Variants in FAAP100 observed in about 807,000 individuals in gnomAD.
FAAP100 encodes FA core complex associated protein 100, also known as Fanconi anemia core complex-associated protein 100.
A neutral mutation model predicts 65.8 loss-of-function variants in FAAP100; 46 were observed. That is an observed-to-expected ratio of 0.70 (90% CI 0.55 to 0.89). The LOEUF is 0.89. FAAP100 is among the 40% of genes least tolerant of loss of function. The probability of loss-of-function intolerance (pLI) is 0.00; values close to 1 mark genes in which losing one functional copy is unlikely to be tolerated. For synonymous variants in FAAP100, 663 were observed against 555.1 expected (o/e 1.19, Z -2.73); for missense variants, 1,165 against 1,196.7 (o/e 0.97, Z 0.39).
In FAAP100 at chr17:81,551,992, G is replaced by A. The variant is rs1287031853; in HGVS notation, c.226C>T (p.Leu76=). 1.3e-6 allele frequency: 2 copies of A among 1,566,454 alleles called. No individual in the cohort carries two copies. Among genetic ancestry groups the A allele is most frequent in the South Asian group, 1.2e-5 (1 of 86,092 alleles). The part of the protein sequence containing the change: ...HLELLAPRRL[L]YALCARRGLY... ...CCCCTCCGGGCGCACAGCGCGTACAGCAACCTGCGCGGCGCCAGCAGCTCC... is the reference window on the plus strand; with the variant it reads ...CCCCTCCGGGCGCACAGCGCGTACAACAACCTGCGCGGCGCCAGCAGCTCC... Residue 76 remains leucine, a synonymous_variant, in exon 2 of 9, where the codon CTG becomes TTG. Transcript: ENST00000327787.
In FAAP100 at chr17:81,551,098, C is replaced by T. The variant is rs1288937951; in HGVS notation, c.396G>A (p.Ala132=). ...ACILPDAALC[A]FTLLDSVLVT... is the part of the protein sequence containing the mutation. ...CCAGCACACTGTCCAGCAAGGTGAA[C>T]GCGCACAGCGCAGCATCGGGAAGGA... The change falls in exon 3 of 9, where the codon GCG becomes GCA. Residue 132 remains alanine, a synonymous_variant. Transcript: ENST00000327787. The T allele has an allele frequency of 2.6e-6, 4 of 1,562,992 alleles. No individual in the cohort carries two copies. The highest frequency in any genetic ancestry group is 1.9e-5 in the Admixed American group (1 of 52,736).
rs78121521 is a variant in FAAP100 at position 81,541,242 on chromosome 17, G to A, written c.2514+67C>T. 5.2e-4 allele frequency: 771 copies of A among 1,484,146 alleles called. 10 individuals carry two copies. The East Asian group carries it at 0.014, about 27-fold the overall frequency. The allele number at this position is 1,484,146 out of a possible 1,614,324, so 91.9% of individuals were successfully genotyped here. On this transcript the variant is annotated intron_variant, in intron 8 of 8. Transcript: ENST00000327787. ...TCTGCGGACCCCGAGTGACTAGAGGGGGGCCTGGCGATGGGCGCTCCTGGC... is the reference window on the plus strand; with the variant it reads ...TCTGCGGACCCCGAGTGACTAGAGGAGGGCCTGGCGATGGGCGCTCCTGGC...
upstream of FAAP100, among the ~76,000 whole-genome samples, chr17:81,552,856 G>GA (rs1555675651): frequency 6.6e-6 from 1 of 151,982 alleles, no homozygotes; most frequent in Non-Finnish European, 1.5e-5. Context: ...TCTGCGAGCC[G>GA]CCCCGGCCGC....
At position 81,547,679 on chromosome 17, in the gene FAAP100, C is replaced by G; in HGVS notation, c.1404-1G>C. The G allele has an allele frequency of 1.2e-6, 2 of 1,609,126 alleles. No homozygotes were observed. The highest frequency in any genetic ancestry group is 1.7e-6 in the Non-Finnish European group (2 of 1,177,618). On this transcript the variant is annotated splice_acceptor_variant, in intron 4 of 8. Transcript: ENST00000327787. LOFTEE classifies it high-confidence loss of function. ...AACCGCCTTCTTTAGAAAAGACACT[C>G]TGCGAAGGACAGACATGACCCCCGG...
At chr17:81,551,484 C>G (rs1198990095) in intron 2 of FAAP100, among the ~76,000 whole-genome samples, 8 of 152,382 alleles carry the variant, frequency 5.2e-5, no homozygotes, top group African/African-American at 1.9e-4. Context: ...CCCTCTACAG[C>G]CTGGGCCGCG....
Position 81,552,172 on chromosome 17 carries a change from C to A in FAAP100, c.159G>T (p.Leu53=). Reference sequence around the variant, plus strand: ...CCCGCGGGCCGGCGCTCACGGTCAGCAGCCCGCCCTCCTGGTCGTACACGT... The same window carrying A: ...CCCGCGGGCCGGCGCTCACGGTCAGAAGCCCGCCCTCCTGGTCGTACACGT... The part of the protein sequence containing the change: ...LVYVYDQEGG[L]LTAAFRFPDQ... The change falls in exon 1 of 9, where the codon CTG becomes CTT. Residue 53 remains leucine (L), a synonymous_variant. Coordinates refer to ENST00000327787, the MANE Select transcript of FAAP100 (RefSeq NM_025161.6). 6.7e-7 allele frequency: 1 copy of A among 1,495,416 alleles called. No individual in the cohort carries two copies. The highest frequency in any genetic ancestry group is 2.9e-5 in the East Asian group (1 of 34,942). 92.6% of individuals were successfully genotyped at this position (1,495,416 alleles called of 1,614,324 possible).
In FAAP100 at chr17:81,547,349, C is replaced by T. The variant is rs371108104; in HGVS notation, c.1733G>A (p.Arg578Gln). Reference sequence around the variant, plus strand: ...AGGGCCCAGGGGTAGCGTCACCTCCCGCCGAGCACCGGGGCCGAGCTGGTC... The same window carrying T: ...AGGGCCCAGGGGTAGCGTCACCTCCTGCCGAGCACCGGGGCCGAGCTGGTC... ...PVDQLGPGAR[R>Q]EVTLPLGPGE... is the part of the protein sequence containing the mutation. The change falls in exon 5 of 9, where the codon CGG becomes CAG. Residue 578 changes from arginine to glutamine, a missense_variant. Transcript: ENST00000327787. 9 of 1,612,594 alleles carry T rather than the reference C, an allele frequency of 5.6e-6. No homozygotes were observed. The highest frequency in any genetic ancestry group is 3.3e-5 in the Admixed American group (2 of 60,000).
rs1324388904 is a variant in FAAP100, at chr17:81,540,089, A to G, written c.*730T>C. 7.5e-6 allele frequency: 3 copies of G among 398,200 alleles called. No individual in the cohort carries two copies. The highest frequency in any genetic ancestry group is 6.2e-5 in the African/African-American group (3 of 48,554). The allele number at this position is 398,200 out of a possible 1,614,324, so 24.7% of individuals were successfully genotyped here. A position where few individuals can be genotyped will look rare whatever the true frequency, so the allele number is the denominator to read the frequency against. On this transcript the variant is annotated 3_prime_UTR_variant, in exon 9 of 9. Transcript: ENST00000327787. ...GGCTCAGGGCCCCCCCCCGGGCCAC[A>G]GCGCCACCCTGAGTGGCCCTGAAAA...
rs2033525272 is a variant in FAAP100, at chr17:81,552,272, C to A, written c.59G>T (p.Gly20Val). ...YLAGFCCPLG[G>V]LAAGKPRVLC... ...CACGCGGGGCTTGCCCGCCGCCAGG[C>A]CCCCGAGAGGGCAGCAGAAGCCCGC... Residue 20 changes from glycine (G) to valine (V), a missense_variant, in exon 1 of 9, where the codon GGC becomes GTC. Coordinates refer to ENST00000327787, the MANE Select transcript of FAAP100 (RefSeq NM_025161.6). The A allele has an allele frequency of 4.7e-6, 7 of 1,477,398 alleles. No individual in the cohort carries two copies. Among genetic ancestry groups the A allele is most frequent in the Admixed American group, 2.4e-5 (1 of 41,464 alleles). 91.5% of individuals were successfully genotyped at this position (1,477,398 alleles called of 1,614,324 possible). A position where few individuals can be genotyped will look rare whatever the true frequency, so the allele number is the denominator to read the frequency against.
rs775786621 is a variant in FAAP100 at position 81,547,818 on chromosome 17, G to A, written c.1404-140C>T. The A allele has an allele frequency of 2.8e-6, 3 of 1,062,052 alleles. No homozygotes were observed. In the East Asian group the frequency reaches 7.5e-5, roughly 26 times the overall value. 65.8% of individuals were successfully genotyped at this position (1,062,052 alleles called of 1,614,324 possible). A position where few individuals can be genotyped will look rare whatever the true frequency, so the allele number is the denominator to read the frequency against. On this transcript the variant is annotated intron_variant, in intron 4 of 8. Coordinates refer to ENST00000327787, the MANE Select transcript of FAAP100 (RefSeq NM_025161.6). ...GGTGTGGAGCCACGCCAGAGAGTGA[G>A]CCCCCGCCCCAGGGGCATGTTTCTC... is the stretch of plus-strand genomic sequence containing the variant.
rs148152772 is a variant in FAAP100 at position 81,549,586 on chromosome 17, C to T, written c.1247-224G>A. Reference sequence around the variant, plus strand: ...TGATCCCACCCGTAGCCCTCTCTTCCGCAGTGGAGACAGTCTGGCGTTTCC... The same window carrying T: ...TGATCCCACCCGTAGCCCTCTCTTCTGCAGTGGAGACAGTCTGGCGTTTCC... On this transcript the variant is annotated intron_variant, in intron 3 of 8. Transcript: ENST00000327787. Among the ~76,000 whole-genome samples the T allele has an allele frequency of 7.0e-4, 106 of 152,360 alleles. 1 individual carries two copies. The East Asian group carries it at 0.019, about 27-fold the overall frequency.
intron 8 of FAAP100, among the ~76,000 whole-genome samples, 171 bp from the exon 9 acceptor site, chr17:81,541,121 A>C (rs1381439236): frequency 6.6e-6 from 1 of 152,024 alleles, no homozygotes; most frequent in Non-Finnish European, 1.5e-5. Context: ...TGGCCCGGAC[A>C]CCCAGCCCCT....
chr17:81,547,794 G>T, intron 4 of FAAP100, 116 bp from the exon 5 acceptor site: 1 of 1,299,614 alleles, frequency 7.7e-7, no homozygotes, highest in Non-Finnish European at 1.1e-6. Context: ...CACACGGTGG[G>T]TGTGGAGCCA....
intron 7 of FAAP100, among the ~76,000 whole-genome samples, chr17:81,543,672 A>G (rs1294424070): frequency 6.6e-6 from 1 of 152,140 alleles, no homozygotes; most frequent in Non-Finnish European, 1.5e-5. Context: ...GCCCAGCCAG[A>G]GAAGGGAGGA....
In FAAP100 at chr17:81,540,246, G is replaced by C. The variant is rs12675; in HGVS notation, c.*573C>G. 3 of 398,934 alleles carry C rather than the reference G, an allele frequency of 7.5e-6. No homozygotes were observed. The highest frequency in any genetic ancestry group is 1.3e-5 in the Non-Finnish European group (3 of 226,206). The allele number at this position is 398,934 out of a possible 1,614,324, so 24.7% of individuals were successfully genotyped here. A position where few individuals can be genotyped will look rare whatever the true frequency, so the allele number is the denominator to read the frequency against. ...CACTTGCAGGAGCTCCCTGCATGCT[G>C]TTTTGTGCTTTGGTCTCAGGGAGCA... On this transcript the variant is annotated 3_prime_UTR_variant, in exon 9 of 9. Transcript: ENST00000327787.
In FAAP100 at chr17:81,551,190, C is replaced by A. The variant is rs1168665314; in HGVS notation, c.304G>T (p.Asp102Tyr). The A allele has an allele frequency of 1.3e-6, 2 of 1,524,706 alleles. No individual in the cohort carries two copies. Among genetic ancestry groups the A allele is most frequent in the South Asian group, 1.2e-5 (1 of 80,948 alleles). 94.4% of individuals were successfully genotyped at this position (1,524,706 alleles called of 1,614,324 possible). Residue 102 changes from aspartate (D) to tyrosine (Y), a missense_variant, in exon 3 of 9, where the codon GAT becomes TAT. By Grantham distance (160) the Asp-to-Tyr change is radical. Transcript: ENST00000327787. ...HPGRSRSTSQ[D>Y]DRDSEDGDQP... The stretch of plus-strand genomic sequence containing the variant: ...TCACCGTCCTCGCTGTCCCTGTCAT[C>A]CTGGCTCGTAGACCTTTGAGAACAG...
At chr17:81,546,062 G>A (rs941306248) in intron 5 of FAAP100, among the ~76,000 whole-genome samples, 180 bp from the exon 6 acceptor site, 2 of 152,240 alleles carry the variant, frequency 1.3e-5, no homozygotes, top group Non-Finnish European at 2.9e-5. Flanking sequence ...AGAGGAAGGA[G>A]GCCACTGCTC....
chr17:81,542,920 G>A (rs1339905932), intron 7 of FAAP100, among the ~76,000 whole-genome samples: 1 of 152,214 alleles, frequency 6.6e-6, no homozygotes, highest in Non-Finnish European at 1.5e-5. Context: ...CAACACCTCA[G>A]CTCTGGAGAA....
At chr17:81,543,231 G>A (rs151045762) in intron 7 of FAAP100, among the ~76,000 whole-genome samples, 27 of 152,308 alleles carry the variant, frequency 1.8e-4, no homozygotes, top group African/African-American at 4.3e-4. Flanking sequence ...TCAAGCTGGC[G>A]TCAGGCTGCA....
Sources: gnomAD v4.1 joint callset for allele counts (sites outside exome capture counted in the v4.1 genomes callset) on GRCh38, gnomAD v4.1.1 for gene constraint, MANE v1.5 for transcripts, NCBI Gene and HGNC (gene_info 2026-07-23, HGNC 2026-07-21) for gene names.